Variants in SUMF1 observed in about 807,000 individuals in gnomAD.
The protein encoded by SUMF1 is sulfatase modifying factor 1, also known as formylglycine-generating enzyme.
SUMF1 carries 48 observed loss-of-function variants against 47.6 expected under a neutral mutation model. The ratio of observed to expected loss-of-function variants is 1.01; its 90% confidence interval spans 0.80 to 1.28. SUMF1 has a LOEUF of 1.28. Among genes scored for constraint, SUMF1 ranks in the 50% most tolerant of loss-of-function variants. The pLI, the probability that SUMF1 is intolerant of heterozygous loss-of-function variation, is 0.00. For missense variants in SUMF1, 571 were observed against 485.4 expected, an observed-to-expected ratio of 1.18 and a Z score of -1.66; for synonymous variants, 230 against 192.1, an observed-to-expected ratio of 1.20 and a Z score of -1.63.
At chr3:4,134,273 A>G (rs1693866821) in intron 8 of SUMF1, among the ~76,000 whole-genome samples, 4 of 152,164 alleles carry the variant, frequency 2.6e-5, no homozygotes, top group Admixed American at 2.6e-4. Context: ...ACTCTCTCTC[A>G]GACCACAGTG....
At chr3:4,357,642 CTT>C (rs1699650713), downstream of SUMF1, among the ~76,000 whole-genome samples, 1 of 151,432 alleles carries the variant, frequency 6.6e-6, no homozygotes, top group African/African-American at 2.4e-5. Flanking sequence ...GAGTTTCGCT[CTT>C]GTCACCCAAG....
intron 8 of SUMF1, among the ~76,000 whole-genome samples, chr3:4,112,586 C>A (rs1693332491): frequency 6.6e-6 from 1 of 151,978 alleles, no homozygotes; most frequent in Non-Finnish European, 1.5e-5. Context: ...ATGAATGAGA[C>A]CCATATCAAG....
intron 8 of SUMF1, among the ~76,000 whole-genome samples, chr3:4,270,730 G>A (rs1697286323): frequency 6.6e-6 from 1 of 152,154 alleles, no homozygotes; most frequent in Admixed American, 6.6e-5. Flanking sequence ...ATCAGGTCTG[G>A]AATGGGATAT....
At chr3:4,287,900 A>G (rs1697665518) in intron 8 of SUMF1, among the ~76,000 whole-genome samples, 1 of 152,342 alleles carries the variant, frequency 6.6e-6, no homozygotes, top group Middle Eastern at 3.4e-3. Flanking sequence ...GGGAAATAGA[A>G]TATTTTGTAA....
In SUMF1 at chr3:4,450,202, C is replaced by T. The variant is rs141910173; in HGVS notation, c.445-862G>A. On this transcript the variant is annotated intron_variant, in intron 2 of 8. Coordinates refer to ENST00000272902, the MANE Select transcript of SUMF1 (RefSeq NM_182760.4). Reference sequence around the variant, plus strand: ...AAGGAGTCTGTGTGTGTAAATAGCACACAGCTAGTTGTTCTAATACAAGTA... The same window carrying T: ...AAGGAGTCTGTGTGTGTAAATAGCATACAGCTAGTTGTTCTAATACAAGTA... 2.5e-3 allele frequency among the ~76,000 whole-genome samples: 378 copies of T among 152,312 alleles called. 1 individual carries two copies. Among genetic ancestry groups the T allele is most frequent in the Non-Finnish European group, 4.6e-3 (316 of 68,028 alleles).
intron 8 of SUMF1, among the ~76,000 whole-genome samples, chr3:4,107,532 G>C (rs1474511108): frequency 6.6e-6 from 1 of 152,096 alleles, no homozygotes; most frequent in Non-Finnish European, 1.5e-5. Flanking sequence ...GTGTTTATTT[G>C]ATATTTGTGA....
downstream of SUMF1, among the ~76,000 whole-genome samples, chr3:4,357,327 A>G (rs1436970995): frequency 8.0e-6 from 1 of 124,844 alleles, no homozygotes; most frequent in African/African-American, 3.9e-5. Context: ...TTTTTTTTCA[A>G]GATATTCCTG....
At chr3:4,247,617 T>C (rs1255635295) in intron 8 of SUMF1, among the ~76,000 whole-genome samples, 1 of 152,110 alleles carries the variant, frequency 6.6e-6, no homozygotes, top group Non-Finnish European at 1.5e-5. Context: ...TTAGATTTAT[T>C]GGAGACTAAT....
At chr3:4,134,522 A>G (rs1297395171) in intron 8 of SUMF1, among the ~76,000 whole-genome samples, 1 of 152,176 alleles carries the variant, frequency 6.6e-6, no homozygotes, top group Non-Finnish European at 1.5e-5. Context: ...AGCAGGAAAG[A>G]TCTAAAATTG....
chr3:4,384,635 T>C (rs1171077861), intron 7 of SUMF1, among the ~76,000 whole-genome samples: 1 of 152,196 alleles, frequency 6.6e-6, no homozygotes, highest in Non-Finnish European at 1.5e-5. Context: ...CTCCGGAGAT[T>C]CATCCAGGTT....
chr3:4,172,382 T>G (rs543357443), intron 8 of SUMF1, among the ~76,000 whole-genome samples: 1 of 152,246 alleles, frequency 6.6e-6, no homozygotes, highest in Admixed American at 6.5e-5. Context: ...AATTTACACA[T>G]GTGCTTTCCA....
intron 8 of SUMF1, among the ~76,000 whole-genome samples, chr3:4,364,239 C>A (rs79728984): frequency 0.25 from 22,715 of 91,724 alleles, 4,059 homozygotes; most frequent in East Asian, 0.38. Context: ...CTGGCCTCAT[C>A]AAATGAGTTA....
intron 8 of SUMF1, among the ~76,000 whole-genome samples, chr3:4,098,639 C>T (rs967898953): frequency 2.1e-4 from 32 of 152,092 alleles, no homozygotes; most frequent in African/African-American, 7.0e-4. Context: ...TATTTTTATG[C>T]ACAATATTTT....
At chr3:4,211,690 T>A (rs962066471) in intron 8 of SUMF1, among the ~76,000 whole-genome samples, 37 of 152,136 alleles carry the variant, frequency 2.4e-4, no homozygotes, top group African/African-American at 8.7e-4. Context: ...ATTGGTACTA[T>A]AAGGTAAAAC....
intron 8 of SUMF1, among the ~76,000 whole-genome samples, chr3:4,328,575 G>A (rs1698991325): frequency 6.6e-6 from 1 of 152,086 alleles, no homozygotes; most frequent in African/African-American, 2.4e-5. Context: ...AGAACAGTAT[G>A]GGGGAAACTG....
intron 8 of SUMF1, among the ~76,000 whole-genome samples, chr3:4,170,923 T>C (rs1487001706): frequency 6.6e-6 from 1 of 152,146 alleles, no homozygotes; most frequent in African/African-American, 2.4e-5. Flanking sequence ...ATGAACTACA[T>C]GTCAACATTT....
intron 7 of SUMF1, among the ~76,000 whole-genome samples, chr3:4,402,442 T>C (rs905324388): frequency 2.6e-5 from 4 of 152,182 alleles, no homozygotes; most frequent in Non-Finnish European, 5.9e-5. Flanking sequence ...TGGCACTCAA[T>C]CTTTCCTCAA....
intron 1 of SUMF1, among the ~76,000 whole-genome samples, chr3:4,465,501 A>C (rs989364006): frequency 6.6e-6 from 1 of 152,050 alleles, no homozygotes. Flanking sequence ...GAAAAGAAAA[A>C]AGAAAGAGAG....
chr3:4,097,234 C>T (rs956399349), intron 8 of SUMF1, among the ~76,000 whole-genome samples: 8 of 152,092 alleles, frequency 5.3e-5, no homozygotes, highest in Non-Finnish European at 1.0e-4. Flanking sequence ...AATATACCTA[C>T]TGTAAGTTTA....
Sources: allele counts gnomAD v4.1 joint callset (sites outside exome capture counted in the v4.1 genomes callset), GRCh38; gene constraint gnomAD v4.1.1; transcripts MANE v1.5; gene names NCBI Gene and HGNC (gene_info 2026-07-23, HGNC 2026-07-21).